The following EPHA4 variants were observed in gnomAD, a reference collection of about 807,000 sequenced individuals.
EPHA4 encodes ephrin type-A receptor 4.
Under a neutral mutation model 108.3 loss-of-function variants are expected in EPHA4, and 19 were observed. That is an observed-to-expected ratio of 0.18 (90% CI 0.12 to 0.26). EPHA4 has a LOEUF of 0.26. EPHA4 is among the 10% of genes least tolerant of loss of function. EPHA4 has a pLI of 1.00. For missense variants in EPHA4, 917 were observed against 1,254.0 expected (o/e 0.73, Z 4.06); for synonymous variants, 449 against 455.5 (o/e 0.99, Z 0.18).
chr2:221,432,394 C>A (rs1243470992), intron 14 of EPHA4, among the ~76,000 whole-genome samples: 5 of 152,246 alleles, frequency 3.3e-5, no homozygotes, highest in African/African-American at 1.2e-4. Flanking sequence ...CTACAAGAAG[C>A]TACTAGAAGC....
At chr2:221,550,247 G>A (rs573234299) in intron 3 of EPHA4, among the ~76,000 whole-genome samples, 75 of 152,248 alleles carry the variant, frequency 4.9e-4, no homozygotes, top group African/African-American at 1.7e-3. Flanking sequence ...AGAGAAAAGT[G>A]CCCCAATTCA....
chr2:221,557,482 T>C lies in EPHA4; in HGVS notation c.823+6249A>G, dbSNP rs1386382586. On this transcript the variant is annotated intron_variant, in intron 3 of 17. Coordinates refer to ENST00000281821, the MANE Select transcript of EPHA4 (RefSeq NM_004438.5). Reference sequence around the variant, plus strand: ...CTTTATACATTCATGCATATATGTGTGTCATATATAATAAGATACTATTGC... The same window carrying C: ...CTTTATACATTCATGCATATATGTGCGTCATATATAATAAGATACTATTGC... Among the ~76,000 whole-genome samples, 13 of 152,230 alleles carry C rather than the reference T, an allele frequency of 8.5e-5. 1 individual carries two copies. In the South Asian group the frequency reaches 2.1e-3, roughly 24 times the overall value.
At chr2:221,496,226 ATT>A (rs1692289431) in intron 4 of EPHA4, among the ~76,000 whole-genome samples, 1 of 152,098 alleles carries the variant, frequency 6.6e-6, no homozygotes, top group Non-Finnish European at 1.5e-5. Context: ...CTACTACAGT[ATT>A]GTCCAATAGA....
intron 3 of EPHA4, among the ~76,000 whole-genome samples, chr2:221,549,939 C>A (rs568546927): frequency 2.0e-5 from 3 of 152,248 alleles, no homozygotes; most frequent in African/African-American, 7.2e-5. Flanking sequence ...TGCAGTGAGC[C>A]AAGATAGCAC....
At chr2:221,557,499 T>C (rs764823520) in intron 3 of EPHA4, among the ~76,000 whole-genome samples, 4 of 152,222 alleles carry the variant, frequency 2.6e-5, no homozygotes, top group Non-Finnish European at 4.4e-5. Flanking sequence ...TATAATAAGA[T>C]ACTATTGCCA....
At chr2:221,479,379 T>C (rs947885854) in intron 5 of EPHA4, among the ~76,000 whole-genome samples, 1 of 152,200 alleles carries the variant, frequency 6.6e-6, no homozygotes, top group Non-Finnish European at 1.5e-5. Flanking sequence ...TGATTTATCA[T>C]TTCTAACATA....
At chr2:221,535,449 C>A (rs893244890) in intron 3 of EPHA4, among the ~76,000 whole-genome samples, 1 of 152,142 alleles carries the variant, frequency 6.6e-6, no homozygotes, top group African/African-American at 2.4e-5. Flanking sequence ...AAGTAACAAC[C>A]ATATATTGAC....
rs200648628 is a variant in EPHA4 at position 221,565,914 on chromosome 2, T to C, written c.160-1520A>G. 2.4e-4 allele frequency among the ~76,000 whole-genome samples: 37 copies of C among 152,326 alleles called. No individual in the cohort carries two copies. The East Asian group carries it at 6.6e-3, about 27-fold the overall frequency. On this transcript the variant is annotated intron_variant, in intron 2 of 17. Coordinates refer to ENST00000281821, the MANE Select transcript of EPHA4 (RefSeq NM_004438.5). Reference sequence around the variant, plus strand: ...TCAATGAAGGCACATAGGGTATCTCTACAGAGTTCATGCAGGATAATTCAG... The same window carrying C: ...TCAATGAAGGCACATAGGGTATCTCCACAGAGTTCATGCAGGATAATTCAG...
chr2:221,530,480 G>T (rs1693474675), intron 3 of EPHA4, among the ~76,000 whole-genome samples: 1 of 152,206 alleles, frequency 6.6e-6, no homozygotes, highest in South Asian at 2.1e-4. Flanking sequence ...CCAGCAACGG[G>T]CTGGAGGACT....
At chr2:221,426,764 A>G (rs1559234900) in intron 15 of EPHA4, 145 bp from the exon 16 acceptor site, 1 of 732,124 alleles carries the variant, frequency 1.4e-6, no homozygotes, top group East Asian at 2.8e-5. Flanking sequence ...AAATGTAACT[A>G]TGCAATATTT....
At chr2:221,442,785 C>T (rs771848560) in intron 11 of EPHA4, 44 bp downstream of exon 11, 2 of 1,596,160 alleles carry the variant, frequency 1.3e-6, no homozygotes, top group Middle Eastern at 1.7e-4. Flanking sequence ...TTTAATTTCC[C>T]AGTAACTTCT....
At chr2:221,464,374 A>C (rs1348724912) in intron 5 of EPHA4, among the ~76,000 whole-genome samples, 1 of 152,198 alleles carries the variant, frequency 6.6e-6, no homozygotes, top group Non-Finnish European at 1.5e-5. Flanking sequence ...TGTGCATTTT[A>C]AAATGCTGTC....
chr2:221,512,663 G>A (rs914243626), intron 3 of EPHA4, among the ~76,000 whole-genome samples: 2 of 152,154 alleles, frequency 1.3e-5, no homozygotes, highest in Non-Finnish European at 2.9e-5. Context: ...ACACTAGCCC[G>A]TCTGAATTTA....
chr2:221,421,259 C>T (rs1429040737), intron 17 of EPHA4, among the ~76,000 whole-genome samples: 3 of 150,898 alleles, frequency 2.0e-5, no homozygotes, highest in Non-Finnish European at 4.4e-5. Context: ...GAGACAGCGC[C>T]ACTGCTCTCC....
chr2:221,568,941 C>A (rs1424301100), intron 1 of EPHA4, among the ~76,000 whole-genome samples, 156 bp from the exon 2 acceptor site: 4 of 152,202 alleles, frequency 2.6e-5, no homozygotes, highest in Non-Finnish European at 5.9e-5. Flanking sequence ...ATAATCATTA[C>A]TCATTTGATC....
At chr2:221,522,974 A>T (rs909197129) in intron 3 of EPHA4, among the ~76,000 whole-genome samples, 8 of 151,982 alleles carry the variant, frequency 5.3e-5, no homozygotes, top group Non-Finnish European at 8.8e-5. Context: ...CTGGTCTCGA[A>T]TTGGTCTCGA....
chr2:221,520,585 A>G (rs771575315), intron 3 of EPHA4, among the ~76,000 whole-genome samples: 14 of 152,066 alleles, frequency 9.2e-5, no homozygotes, highest in Non-Finnish European at 1.2e-4. Flanking sequence ...AGAGAGAGAG[A>G]GAGAAACACA....
At chr2:221,526,735 T>A (rs1317882172) in intron 3 of EPHA4, among the ~76,000 whole-genome samples, 2 of 151,390 alleles carry the variant, frequency 1.3e-5, no homozygotes, top group African/African-American at 4.9e-5. Context: ...TAATCCCAGC[T>A]ACTCGGGAGG....
intron 4 of EPHA4, among the ~76,000 whole-genome samples, chr2:221,499,751 TA>T (rs796568938): frequency 0.015 from 687 of 45,812 alleles, 3 homozygotes; most frequent in African/African-American, 0.047. Flanking sequence ...TATATATATA[TA>T]TATATTTTTT....
Sources: allele counts gnomAD v4.1 joint callset (sites outside exome capture counted in the v4.1 genomes callset), GRCh38; gene constraint gnomAD v4.1.1; transcripts MANE v1.5; gene names NCBI Gene and HGNC (gene_info 2026-07-23, HGNC 2026-07-21).